Variants in SRGAP2 observed in about 807,000 individuals in gnomAD.
The protein encoded by SRGAP2 is SLIT-ROBO Rho GTPase activating protein 2, also known as SLIT-ROBO Rho GTPase-activating protein 2.
Under a neutral mutation model 57.2 loss-of-function variants are expected in SRGAP2, and 15 were observed. The ratio of observed to expected loss-of-function variants is 0.26; its 90% CI spans 0.18 to 0.40. SRGAP2 has a LOEUF of 0.40. SRGAP2 is among the 10% of genes least tolerant of loss of function. SRGAP2 has a pLI of 1.00. For synonymous variants in SRGAP2, 249 were observed against 248.0 expected (o/e 1.00, Z -0.04); for missense variants, 520 against 669.6 (o/e 0.78, Z 2.47).
At chr1:206,283,946 G>A (rs1284460602) in intron 2 of SRGAP2, among the ~76,000 whole-genome samples, 4 of 126,564 alleles carry the variant, frequency 3.2e-5, no homozygotes, top group African/African-American at 1.4e-4. Context: ...CGTGTGATTT[G>A]TTTAAAATTT....
At chr1:206,444,466 G>A (rs797033179) in intron 17 of SRGAP2, among the ~76,000 whole-genome samples, 4 of 152,268 alleles carry the variant, frequency 2.6e-5, no homozygotes, top group African/African-American at 9.6e-5. Flanking sequence ...TTGACCATCA[G>A]GCTTCCCAGA....
At chr1:206,272,941 C>T in intron 2 of SRGAP2, among the ~76,000 whole-genome samples, 1 of 152,002 alleles carries the variant, frequency 6.6e-6, no homozygotes. Flanking sequence ...TTTAAAATAA[C>T]ATTTCCTGCT....
intron 2 of SRGAP2, among the ~76,000 whole-genome samples, chr1:206,263,981 G>C (rs1465620996): frequency 6.7e-6 from 1 of 150,060 alleles, no homozygotes; most frequent in Non-Finnish European, 1.5e-5. Context: ...GCCTTGGAAA[G>C]GGGATAACAC....
intron 10 of SRGAP2, among the ~76,000 whole-genome samples, chr1:206,408,815 T>TCAATACA (rs1553358319): frequency 1.3e-5 from 2 of 151,670 alleles, no homozygotes; most frequent in Admixed American, 6.6e-5. Flanking sequence ...ACCCTTTCAC[T>TCAATACA]TTCTGTCTCA....
At chr1:206,203,979 GC>G in intron 1 of SRGAP2, 1 of 1,311,666 alleles carries the variant, frequency 7.6e-7, no homozygotes, top group Non-Finnish European at 1.1e-6. Context: ...CCACCGTAGG[GC>G]AGTCGTCGTT....
In SRGAP2 at chr1:206,393,578, G is replaced by A. The variant is rs1553351931; in HGVS notation, c.736G>A (p.Ala246Thr). The change falls in exon 7 of 23, where the codon GCC becomes ACC. Residue 246 changes from alanine to threonine, a missense_variant. This residue lies in a region of SRGAP2 where 12 missense variants were observed against 21.3 expected (regional missense o/e 0.56). Coordinates refer to ENST00000573034, the MANE Select transcript of SRGAP2 (RefSeq NM_015326.5). ...QAKYTENKLK[A>T]IKARNEYLLA... ...CAAGTACACGGAGAATAAGCTGAAG[G>A]CCATCAAAGCCCGGAATGAGTACTT... 1 of 778,754 alleles carries A rather than the reference G, an allele frequency of 1.3e-6. No individual in the cohort carries two copies. Among genetic ancestry groups the A allele is most frequent in the Non-Finnish European group, 2.4e-6 (1 of 417,344 alleles). The allele number at this position is 778,754 out of a possible 1,614,324, so 48.2% of individuals were successfully genotyped here. A position where few individuals can be genotyped will look rare whatever the true frequency, so the allele number is the denominator to read the frequency against.
chr1:206,434,919 C>T (rs1047648053), intron 14 of SRGAP2, among the ~76,000 whole-genome samples: 4 of 152,172 alleles, frequency 2.6e-5, no homozygotes, highest in South Asian at 2.1e-4. Flanking sequence ...GCCTGGTTTC[C>T]GAGATGACAT....
chr1:206,203,718 C>T (rs1665546441), intron 1 of SRGAP2, 68 bp downstream of exon 1: 5 of 1,403,448 alleles, frequency 3.6e-6, no homozygotes, highest in Non-Finnish European at 2.9e-6. Context: ...CTGAACAAAC[C>T]GGGGCTGGGG....
rs781800898 is a variant in SRGAP2, at chr1:206,446,056, C to T, written c.1875-19C>T. ...CATGCGAGAGCTTTCCAGCTTGCCC[C>T]CTTTCCCTTCTCCTCCAGTTTATCA... On this transcript the variant is annotated intron_variant, in intron 17 of 22. Transcript: ENST00000573034. 8.5e-5 allele frequency: 66 copies of T among 779,354 alleles called. No individual in the cohort carries two copies. The highest frequency in any genetic ancestry group is 1.4e-4 in the Non-Finnish European group (58 of 416,760). 48.3% of individuals were successfully genotyped at this position (779,354 alleles called of 1,614,324 possible).
rs1663615947 is a variant in SRGAP2, at chr1:206,454,248, G to A, written c.2361-630G>A. ...CATCGCAAACCTGGTGGCAATCTGT[G>A]CGTGGACAGGACCCTCCCAAATTTA... is the stretch of plus-strand genomic sequence containing the variant. On this transcript the variant is annotated intron_variant, in intron 20 of 22. Transcript: ENST00000573034. This position sits in a 1 kb window ranked among gnomAD's most constrained non-coding sequence, Gnocchi z 4.3. The A allele has an allele frequency of 1.4e-6, 1 of 700,672 alleles. No homozygotes were observed. The highest frequency in any genetic ancestry group is 1.7e-5 in the African/African-American group (1 of 57,202). The allele number at this position is 700,672 out of a possible 1,614,324, so 43.4% of individuals were successfully genotyped here.
At chr1:206,234,582 A>G (rs1280076858) in intron 2 of SRGAP2, among the ~76,000 whole-genome samples, 1 of 152,220 alleles carries the variant, frequency 6.6e-6, no homozygotes, top group African/African-American at 2.4e-5. Context: ...TGTTTTGTCT[A>G]CCAGCAAAGC....
At chr1:206,318,414 C>T (rs1270487452) in intron 3 of SRGAP2, among the ~76,000 whole-genome samples, 1 of 152,178 alleles carries the variant, frequency 6.6e-6, no homozygotes, top group Non-Finnish European at 1.5e-5. Flanking sequence ...CCTTTTTATA[C>T]ATTGACTGGA....
At chr1:206,340,029 A>T (rs1178515159) in intron 3 of SRGAP2, among the ~76,000 whole-genome samples, 14 of 149,734 alleles carry the variant, frequency 9.3e-5, no homozygotes, top group East Asian at 5.9e-4. Flanking sequence ...GTCTCAAGTG[A>T]TCCACCTGCC....
chr1:206,441,291 C>T (rs1553371944), intron 17 of SRGAP2, among the ~76,000 whole-genome samples: 1 of 152,124 alleles, frequency 6.6e-6, no homozygotes, highest in East Asian at 1.9e-4. Flanking sequence ...GTGGAGCTGC[C>T]AGTGCAGGAG....
chr1:206,237,216 C>G (rs1453245992), intron 2 of SRGAP2, among the ~76,000 whole-genome samples: 3 of 151,466 alleles, frequency 2.0e-5, no homozygotes, highest in Non-Finnish European at 2.9e-5. Context: ...GAGCCGAGAT[C>G]ACACCACTGC....
At chr1:206,309,798 A>T (rs1219641468) in intron 3 of SRGAP2, among the ~76,000 whole-genome samples, 8 of 151,454 alleles carry the variant, frequency 5.3e-5, no homozygotes, top group Non-Finnish European at 1.0e-4. Flanking sequence ...TCTTCGGAGT[A>T]AAAGTGATTG....
At chr1:206,426,715 A>G (rs1660831490) in intron 13 of SRGAP2, among the ~76,000 whole-genome samples, 1 of 152,328 alleles carries the variant, frequency 6.6e-6, no homozygotes, top group Non-Finnish European at 1.5e-5. Context: ...TCTTATGATT[A>G]GTGACATTGA....
chr1:206,420,699 G>A (rs1372875583), intron 12 of SRGAP2, among the ~76,000 whole-genome samples: 1 of 152,156 alleles, frequency 6.6e-6, no homozygotes, highest in East Asian at 1.9e-4. Context: ...GATTCCCTTT[G>A]AGAAGAGGCT....
intron 20 of SRGAP2, 53 bp downstream of exon 20, chr1:206,453,433 G>A (rs2483059): frequency 0.25 from 128,499 of 520,894 alleles, 19,642 homozygotes; most frequent in East Asian, 0.68. Context: ...CTCTATGGGA[G>A]TGAGACTTCA....
Sources: gnomAD v4.1 joint callset for allele counts (sites outside exome capture counted in the v4.1 genomes callset) on GRCh38, gnomAD v4.1.1 for gene constraint, gnomAD v4.1.1 regional missense constraint, Gnocchi (gnomAD v3.1) non-coding constraint, MANE v1.5 for transcripts, NCBI Gene and HGNC (gene_info 2026-07-23, HGNC 2026-07-21) for gene names.